The following SOX6 variants were observed in gnomAD, a reference collection of about 807,000 sequenced individuals.
The protein encoded by SOX6 is SRY-box transcription factor 6, also known as transcription factor SOX-6.
SOX6 carries 11 observed loss-of-function variants against 97.8 expected under a neutral mutation model. The ratio of observed to expected loss-of-function variants is 0.11; its 90% CI spans 0.07 to 0.19. The LOEUF (loss-of-function observed/expected upper bound fraction) is 0.19, where lower values mean the gene tolerates loss of function less well. Among genes scored for constraint, SOX6 ranks in the 10% least tolerant of loss-of-function variants. SOX6 has a pLI of 1.00. For synonymous variants in SOX6, 360 were observed against 371.4 expected (o/e 0.97, Z 0.35); for missense variants, 810 against 1,039.5 (o/e 0.78, Z 3.04).
chr11:16,105,856 T>A (rs765280787), intron 7 of SOX6, among the ~76,000 whole-genome samples: 6 of 152,064 alleles, frequency 3.9e-5, no homozygotes, highest in Non-Finnish European at 8.8e-5. Context: ...TTCAGCAAAG[T>A]TGCAGAGTAT....
intron 4 of SOX6, among the ~76,000 whole-genome samples, chr11:16,201,178 T>C (rs1312999402): frequency 6.6e-6 from 1 of 151,248 alleles, no homozygotes; most frequent in Non-Finnish European, 1.5e-5. Flanking sequence ...AAATACATCA[T>C]CCAACCTACG....
intron 4 of SOX6, among the ~76,000 whole-genome samples, chr11:16,222,644 A>G (rs1406171122): frequency 6.6e-6 from 1 of 152,198 alleles, no homozygotes; most frequent in South Asian, 2.1e-4. Flanking sequence ...ATAAAAATGT[A>G]AGAGTGCAAA....
chr11:16,248,373 A>C (rs765023424), intron 3 of SOX6, among the ~76,000 whole-genome samples: 1 of 152,050 alleles, frequency 6.6e-6, no homozygotes, highest in Non-Finnish European at 1.5e-5. Context: ...AGGGGTTCCA[A>C]TCCCACATTT....
intron 9 of SOX6, among the ~76,000 whole-genome samples, chr11:16,084,518 T>G (rs551712823): frequency 6.6e-6 from 1 of 152,182 alleles, no homozygotes; most frequent in East Asian, 1.9e-4. Context: ...ATTATCTCAT[T>G]TAATCCTAAC....
chr11:16,158,573 A>C (rs1188071735), intron 6 of SOX6, among the ~76,000 whole-genome samples: 1 of 152,014 alleles, frequency 6.6e-6, no homozygotes, highest in Non-Finnish European at 1.5e-5. Context: ...GCACATGAAT[A>C]TGTGTGGAGA....
At chr11:16,082,296 A>T (rs920915736) in intron 9 of SOX6, among the ~76,000 whole-genome samples, 3 of 152,186 alleles carry the variant, frequency 2.0e-5, no homozygotes, top group Admixed American at 6.6e-5. Context: ...TGTTAAGAGG[A>T]TCTGTTAAAT....
chr11:16,677,603 T>C (rs2134027778), intron 3 of SOX6, among the ~76,000 whole-genome samples: 1 of 152,294 alleles, frequency 6.6e-6, no homozygotes, highest in East Asian at 1.9e-4. Flanking sequence ...TTCTACATAT[T>C]TGGATTTGTT....
chr11:16,624,813 T>C (rs566573008), intron 3 of SOX6, among the ~76,000 whole-genome samples: 1 of 152,340 alleles, frequency 6.6e-6, no homozygotes, highest in East Asian at 1.9e-4. Flanking sequence ...TTGGTCAGTT[T>C]TTTAAAAATA....
At chr11:16,052,426 A>G (rs79283803) in intron 10 of SOX6, among the ~76,000 whole-genome samples, 1 of 152,192 alleles carries the variant, frequency 6.6e-6, no homozygotes, top group South Asian at 2.1e-4. Flanking sequence ...AAGAATGCCA[A>G]AATGACTGTT....
chr11:16,227,414 ATATT>A (rs1318058487), intron 4 of SOX6, among the ~76,000 whole-genome samples: 3 of 151,830 alleles, frequency 2.0e-5, no homozygotes, highest in African/African-American at 7.3e-5. Flanking sequence ...CGTTCAACAA[ATATT>A]TATTATTTCT....
chr11:16,311,489 C>T (rs1039423672), intron 3 of SOX6: 8 of 152,160 alleles, frequency 5.3e-5, no homozygotes, highest in Admixed American at 1.3e-4. Flanking sequence ...TGAGCACCTA[C>T]TTTGAGCTGG....
intron 2 of SOX6, among the ~76,000 whole-genome samples, chr11:16,731,762 GAAAT>G (rs1300203956): frequency 6.6e-6 from 1 of 152,178 alleles, no homozygotes; most frequent in African/African-American, 2.4e-5. Flanking sequence ...GCAAGAGAAA[GAAAT>G]AAAGGGTATT....
intron 11 of SOX6, among the ~76,000 whole-genome samples, chr11:16,047,336 C>A (rs1346712754): frequency 6.6e-6 from 1 of 151,958 alleles, no homozygotes; most frequent in Non-Finnish European, 1.5e-5. Flanking sequence ...AGTTATTTAC[C>A]AAGAGAATGA....
chr11:15,984,786 A>G (rs1438165722), intron 15 of SOX6, among the ~76,000 whole-genome samples: 1 of 152,202 alleles, frequency 6.6e-6, no homozygotes, highest in Non-Finnish European at 1.5e-5. Flanking sequence ...AAATTCACTG[A>G]TCATCTGGTG....
intron 6 of SOX6, among the ~76,000 whole-genome samples, chr11:16,175,227 C>G (rs1564999221): frequency 6.6e-6 from 1 of 151,862 alleles, no homozygotes; most frequent in Non-Finnish European, 1.5e-5. Context: ...ATGAAGGTTT[C>G]TCTATTAGAA....
intron 3 of SOX6, chr11:16,264,734 A>G (rs1420061309): frequency 6.6e-6 from 1 of 151,734 alleles, no homozygotes. Flanking sequence ...AATGTGTTTC[A>G]CATCTTTAAT....
chr11:16,014,650 C>T (rs1854828182), intron 13 of SOX6, among the ~76,000 whole-genome samples: 2 of 152,064 alleles, frequency 1.3e-5, no homozygotes. Context: ...CAGAATTCTG[C>T]TGTTCATTGA....
At chr11:16,619,992 A>C (rs1488416792) in intron 3 of SOX6, among the ~76,000 whole-genome samples, 1 of 152,168 alleles carries the variant, frequency 6.6e-6, no homozygotes, top group Non-Finnish European at 1.5e-5. Flanking sequence ...CTGATTATTT[A>C]CATGAGCATT....
chr11:16,419,952 G>A (rs1362720999), intron 1 of SOX6, among the ~76,000 whole-genome samples: 1 of 152,056 alleles, frequency 6.6e-6, no homozygotes, highest in Non-Finnish European at 1.5e-5. Flanking sequence ...GTGACAGAAT[G>A]GATTTTTAAA....
Sources: allele counts gnomAD v4.1 joint callset (sites outside exome capture counted in the v4.1 genomes callset), GRCh38; gene constraint gnomAD v4.1.1; transcripts MANE v1.5; gene names NCBI Gene and HGNC (gene_info 2026-07-23, HGNC 2026-07-21).